Variants in RBFOX1 observed in about 807,000 individuals in gnomAD.
RBFOX1 encodes RNA binding fox-1 homolog 1.
In RBFOX1, 8 loss-of-function variants were observed where a neutral mutation model predicts 57.7. That is an observed-to-expected ratio of 0.14 (90% CI 0.08 to 0.25). The LOEUF (loss-of-function observed/expected upper bound fraction) is 0.25, where lower values mean the gene tolerates loss of function less well. Among genes scored for constraint, RBFOX1 ranks in the 10% least tolerant of loss-of-function variants. The pLI is 1.00. For missense variants in RBFOX1, 611 were observed against 548.5 expected (o/e 1.11, Z -1.14); for synonymous variants, 326 against 222.4 (o/e 1.47, Z -4.15).
chr16:7,706,134 C>T (rs927187629), intron 14 of RBFOX1, among the ~76,000 whole-genome samples: 4 of 152,176 alleles, frequency 2.6e-5, no homozygotes, highest in Non-Finnish European at 2.9e-5. Flanking sequence ...CTCAAGTCCA[C>T]ATCTTCCCCA....
intron 2 of RBFOX1, among the ~76,000 whole-genome samples, chr16:6,425,349 T>G (rs2093894760): frequency 6.6e-6 from 1 of 152,162 alleles, no homozygotes; most frequent in South Asian, 2.1e-4. Flanking sequence ...GTCTTCTCAT[T>G]TAAATGCTCT....
chr16:7,092,191 G>T (rs536774510), intron 4 of RBFOX1, among the ~76,000 whole-genome samples: 2 of 152,118 alleles, frequency 1.3e-5, no homozygotes, highest in Non-Finnish European at 2.9e-5. Context: ...AAGTTACAAG[G>T]TATACCACTG....
At chr16:6,735,789 C>G (rs538159294) in intron 3 of RBFOX1, among the ~76,000 whole-genome samples, 203 of 152,300 alleles carry the variant, frequency 1.3e-3, no homozygotes, top group Non-Finnish European at 2.5e-3. Flanking sequence ...TGTGGTTCCT[C>G]TCCCCCTGTG....
chr16:6,437,432 C>G (rs1379887535), intron 2 of RBFOX1, among the ~76,000 whole-genome samples: 5 of 152,144 alleles, frequency 3.3e-5, no homozygotes, highest in African/African-American at 1.2e-4. Flanking sequence ...CTAAGCTTTG[C>G]TTGGTCAGTG....
At chr16:7,400,967 C>T (rs191928249) in intron 4 of RBFOX1, among the ~76,000 whole-genome samples, 2 of 152,174 alleles carry the variant, frequency 1.3e-5, no homozygotes, top group Non-Finnish European at 2.9e-5. Flanking sequence ...AATATGTTAC[C>T]CTGCCAACCT....
At chr16:5,347,915 C>T (rs374857031) in intron 1 of RBFOX1, among the ~76,000 whole-genome samples, 2 of 147,650 alleles carry the variant, frequency 1.4e-5, no homozygotes, top group East Asian at 4.1e-4. Context: ...CCCCCTCCCC[C>T]CCATCAACCC....
chr16:5,875,556 G>A (rs1273002113), intron 4 of RBFOX1, among the ~76,000 whole-genome samples: 3 of 152,208 alleles, frequency 2.0e-5, no homozygotes, highest in African/African-American at 7.2e-5. Context: ...TGGTGCGTAA[G>A]TAGTCCATAA....
At position 7,393,644 on chromosome 16, in the gene RBFOX1, G is replaced by A. The variant is rs117555822; in HGVS notation, c.28-124503G>A. Among the ~76,000 whole-genome samples the A allele has an allele frequency of 4.6e-5, 7 of 152,218 alleles. No homozygotes were observed. The East Asian group carries it at 1.4e-3, about 29-fold the overall frequency. On this transcript the variant is annotated intron_variant, in intron 4 of 15. Coordinates refer to ENST00000550418, the MANE Select transcript of RBFOX1 (RefSeq NM_018723.4). ...TCAGGGGGAAACATAGCCTCAGCCT[G>A]ATCTTGTAAGAAGATCTGGATTATT... is the stretch of plus-strand genomic sequence containing the variant.
intron 1 of RBFOX1, among the ~76,000 whole-genome samples, chr16:5,307,628 G>T (rs1393072021): frequency 6.6e-6 from 1 of 152,148 alleles, no homozygotes; most frequent in Non-Finnish European, 1.5e-5. Context: ...GCACACATGT[G>T]CACATACACA....
intron 1 of RBFOX1, among the ~76,000 whole-genome samples, chr16:5,458,718 AT>A (rs1030150510): frequency 2.6e-5 from 4 of 152,214 alleles, no homozygotes; most frequent in African/African-American, 7.2e-5. Context: ...GGCTATCTGT[AT>A]TCCTAACAAC....
chr16:5,955,447 C>A (rs940175776), intron 4 of RBFOX1, among the ~76,000 whole-genome samples: 3 of 151,334 alleles, frequency 2.0e-5, no homozygotes, highest in African/African-American at 7.3e-5. Flanking sequence ...ACTAACTATA[C>A]CCTTTTGGAC....
chr16:7,182,919 A>G (rs1314279205), intron 4 of RBFOX1, among the ~76,000 whole-genome samples: 2 of 152,154 alleles, frequency 1.3e-5, no homozygotes, highest in African/African-American at 4.8e-5. Flanking sequence ...CCCTGGTCAT[A>G]AATTATCTTA....
At chr16:7,491,184 C>T (rs1300343605) in intron 4 of RBFOX1, among the ~76,000 whole-genome samples, 1 of 152,110 alleles carries the variant, frequency 6.6e-6, no homozygotes, top group East Asian at 1.9e-4. Flanking sequence ...TCTTCAACCA[C>T]CCACTTACCC....
At chr16:6,971,003 G>A (rs7198339) in intron 3 of RBFOX1, among the ~76,000 whole-genome samples, 116,986 of 152,074 alleles carry the variant, frequency 0.77, 45,166 homozygotes, top group African/African-American at 0.83. Context: ...ATGTTTAACA[G>A]TTTCCTTCAA....
At chr16:6,271,987 C>G (rs575276657) in intron 1 of RBFOX1, among the ~76,000 whole-genome samples, 3 of 151,822 alleles carry the variant, frequency 2.0e-5, no homozygotes, top group Non-Finnish European at 4.4e-5. Flanking sequence ...CAGGACAAAG[C>G]CAGGAGAAAA....
intron 14 of RBFOX1, among the ~76,000 whole-genome samples, chr16:7,690,931 A>G (rs749415640): frequency 2.6e-5 from 4 of 152,148 alleles, no homozygotes; most frequent in Non-Finnish European, 4.4e-5. Flanking sequence ...GCAGGCCACC[A>G]AAGCCAATCT....
At chr16:6,690,789 A>C (rs1223627627) in intron 3 of RBFOX1, among the ~76,000 whole-genome samples, 1 of 144,564 alleles carries the variant, frequency 6.9e-6, no homozygotes, top group African/African-American at 2.6e-5. Context: ...TAGAAGTACC[A>C]TGAGCCAAGA....
intron 4 of RBFOX1, among the ~76,000 whole-genome samples, chr16:7,144,225 G>T (rs995947990): frequency 4.6e-5 from 7 of 152,038 alleles, no homozygotes; most frequent in Non-Finnish European, 8.8e-5. Flanking sequence ...TCCTCATTTT[G>T]AGGGGTCTTG....
chr16:5,642,057 G>T (rs879277178), intron 3 of RBFOX1, among the ~76,000 whole-genome samples: 1 of 152,274 alleles, frequency 6.6e-6, no homozygotes, highest in Non-Finnish European at 1.5e-5. Flanking sequence ...GCAAGACTGG[G>T]AGGAGGCCAT....
Sources: gnomAD v4.1 joint callset for allele counts (sites outside exome capture counted in the v4.1 genomes callset) on GRCh38, gnomAD v4.1.1 for gene constraint, MANE v1.5 for transcripts, NCBI Gene and HGNC (gene_info 2026-07-23, HGNC 2026-07-21) for gene names.